Variants in RAD51B observed in about 807,000 individuals in gnomAD.
RAD51B encodes the protein RAD51 paralog B, also known as DNA repair protein RAD51 homolog 2.
RAD51B carries 38 observed loss-of-function variants against 42.2 expected under a neutral mutation model. That is an observed-to-expected ratio of 0.90 (90% CI 0.70 to 1.18). The LOEUF is 1.18. RAD51B is among the 50% of genes most tolerant of loss of function. RAD51B has a pLI of 0.00. For missense variants in RAD51B, 373 were observed against 400.7 expected (o/e 0.93, Z 0.59); for synonymous variants, 154 against 145.2 (o/e 1.06, Z -0.43).
At chr14:67,910,372 C>T in intron 7 of RAD51B, among the ~76,000 whole-genome samples, 1 of 66,492 alleles carries the variant, frequency 1.5e-5, no homozygotes, top group African/African-American at 1.4e-4. Context: ...CGCCACTGCA[C>T]TCCAGCCTGG....
downstream of RAD51B, among the ~76,000 whole-genome samples, chr14:68,600,992 G>GTGAC (rs3076516): frequency 0.34 from 52,344 of 151,884 alleles, 9,398 homozygotes; most frequent in Non-Finnish European, 0.39. Context: ...CACAAACTGA[G>GTGAC]TGCATGCTTT....
At chr14:68,345,264 C>G (rs551800683) in intron 8 of RAD51B, among the ~76,000 whole-genome samples, 2 of 152,114 alleles carry the variant, frequency 1.3e-5, no homozygotes, top group South Asian at 4.1e-4. Context: ...GTGAGAAGGA[C>G]ATGAGATTTG....
intron 8 of RAD51B, among the ~76,000 whole-genome samples, chr14:68,362,878 A>T (rs2083060191): frequency 6.6e-6 from 1 of 151,926 alleles, no homozygotes; most frequent in Admixed American, 6.6e-5. Context: ...AAAAGAAACG[A>T]ACAGAAATGT....
At chr14:68,653,435 CA>C (rs1383483866) in intron 11 of RAD51B, among the ~76,000 whole-genome samples, 1 of 152,188 alleles carries the variant, frequency 6.6e-6, no homozygotes, top group Non-Finnish European at 1.5e-5. Flanking sequence ...CGTGGATATA[CA>C]AATAAGAATT....
At chr14:68,070,945 T>A (rs1322994167) in intron 7 of RAD51B, among the ~76,000 whole-genome samples, 3 of 152,334 alleles carry the variant, frequency 2.0e-5, no homozygotes, top group South Asian at 4.1e-4. Context: ...GTTTGTGTCA[T>A]CTCTGATTTC....
chr14:67,839,251 T>C (rs935478987), intron 4 of RAD51B, among the ~76,000 whole-genome samples: 3 of 152,140 alleles, frequency 2.0e-5, no homozygotes, highest in Non-Finnish European at 4.4e-5. Context: ...TTGCCTATGA[T>C]GGGAATTATT....
chr14:67,849,375 G>A (rs568679036), intron 4 of RAD51B, among the ~76,000 whole-genome samples: 69 of 151,936 alleles, frequency 4.5e-4, no homozygotes, highest in Non-Finnish European at 8.5e-4. Flanking sequence ...TTCACCTCCC[G>A]GGTTCAAGCA....
chr14:68,536,642 G>A (rs1232065080), intron 10 of RAD51B, among the ~76,000 whole-genome samples: 5 of 152,180 alleles, frequency 3.3e-5, no homozygotes, highest in African/African-American at 1.2e-4. Context: ...ACAGCTTGAA[G>A]TTAATTTTCC....
intron 10 of RAD51B, among the ~76,000 whole-genome samples, chr14:68,577,252 C>T (rs1462702427): frequency 6.6e-6 from 1 of 152,142 alleles, no homozygotes; most frequent in African/African-American, 2.4e-5. Context: ...TAGGTTTGCA[C>T]GTTCTGAGTT....
Position 68,404,572 on chromosome 14 carries a change from CTCAAGTGAT to C in RAD51B, c.854-6849_854-6841del, listed in dbSNP as rs1353272912. Among the ~76,000 whole-genome samples, 5 of 152,318 alleles carry C rather than the reference CTCAAGTGAT, an allele frequency of 3.3e-5. No individual in the cohort carries two copies. The East Asian group carries it at 9.6e-4, about 29-fold the overall frequency. On this transcript the variant is annotated intron_variant, in intron 8 of 10. Transcript: ENST00000471583. ...ACTTACAGTTTCCCTACCTCCCTCTCTCAAGTGATTCTATCACTGCAATCACCCTTCAAT... is the reference window on the plus strand; with the variant it reads ...ACTTACAGTTTCCCTACCTCCCTCTCTCTATCACTGCAATCACCCTTCAAT...
intron 7 of RAD51B, among the ~76,000 whole-genome samples, chr14:67,952,444 C>T (rs1284334498): frequency 6.6e-6 from 1 of 152,098 alleles, no homozygotes; most frequent in Non-Finnish European, 1.5e-5. Context: ...TGACAATGTA[C>T]ATGAACAGAG....
intron 9 of RAD51B, among the ~76,000 whole-genome samples, chr14:68,424,507 A>G (rs2084785907): frequency 1.3e-5 from 2 of 152,166 alleles, no homozygotes; most frequent in South Asian, 4.1e-4. Context: ...ATTTGTAACT[A>G]TTTATGCAGT....
chr14:67,858,338 G>A (rs1464744817), intron 4 of RAD51B, among the ~76,000 whole-genome samples: 2 of 152,150 alleles, frequency 1.3e-5, no homozygotes, highest in African/African-American at 4.8e-5. Context: ...ATGACTCTCC[G>A]TGGAGAGGAT....
intron 10 of RAD51B, among the ~76,000 whole-genome samples, chr14:68,550,063 A>G (rs1008314653): frequency 3.3e-5 from 5 of 152,260 alleles, no homozygotes; most frequent in African/African-American, 1.2e-4. Flanking sequence ...CAACATGGAG[A>G]GACTTTCTCA....
intron 7 of RAD51B, among the ~76,000 whole-genome samples, chr14:68,268,278 G>A (rs898788291): frequency 2.2e-4 from 34 of 152,200 alleles, no homozygotes; most frequent in African/African-American, 8.0e-4. Context: ...ACATCATGCA[G>A]CCATTTGCCT....
At chr14:68,483,629 C>G (rs978231761) in intron 10 of RAD51B, among the ~76,000 whole-genome samples, 3 of 152,188 alleles carry the variant, frequency 2.0e-5, no homozygotes, top group African/African-American at 7.2e-5. Flanking sequence ...CCGCTTGTTA[C>G]CAGACATGAT....
At chr14:68,368,203 T>G (rs1041876619) in intron 8 of RAD51B, among the ~76,000 whole-genome samples, 6 of 152,216 alleles carry the variant, frequency 3.9e-5, no homozygotes, top group Non-Finnish European at 8.8e-5. Flanking sequence ...TTTTTCTCCT[T>G]TAATTTTTAT....
intron 9 of RAD51B, among the ~76,000 whole-genome samples, chr14:68,459,451 T>C (rs755844897): frequency 8.5e-5 from 13 of 152,324 alleles, no homozygotes; most frequent in Non-Finnish European, 1.3e-4. Flanking sequence ...CCAATGGGTT[T>C]TATTAGCCTA....
intron 10 of RAD51B, chr14:68,541,180 G>T: frequency 1.0e-6 from 1 of 985,428 alleles, no homozygotes; most frequent in Non-Finnish European, 1.2e-6. Context: ...CAATCACCAG[G>T]GAGAGGCTGC....
Sources: gnomAD v4.1 joint callset for allele counts (sites outside exome capture counted in the v4.1 genomes callset) on GRCh38, gnomAD v4.1.1 for gene constraint, MANE v1.5 for transcripts, NCBI Gene and HGNC (gene_info 2026-07-23, HGNC 2026-07-21) for gene names.